The following NOL10 variants were observed in gnomAD, a reference collection of about 807,000 sequenced individuals.
NOL10 encodes the protein nucleolar protein 10, also known as H_NH0074G24.1.
NOL10 carries 58 observed loss-of-function variants against 103.5 expected under a neutral mutation model. The observed-to-expected ratio is 0.56, with a 90% CI of 0.45 to 0.70. The LOEUF is 0.70. NOL10 is among the 30% of genes least tolerant of loss of function. The probability of loss-of-function intolerance (pLI) is 0.00; values close to 1 mark genes in which losing one functional copy is unlikely to be tolerated. For missense variants in NOL10, 763 were observed against 807.3 expected, an observed-to-expected ratio of 0.95 and a Z score of 0.67; for synonymous variants, 287 against 282.5, an observed-to-expected ratio of 1.02 and a Z score of -0.16.
At chr2:10,677,466 G>GT (rs199868603) in intron 3 of NOL10, among the ~76,000 whole-genome samples, 238 of 138,744 alleles carry the variant, frequency 1.7e-3, no homozygotes, top group Admixed American at 2.4e-3. Context: ...TTTCTTTGGT[G>GT]TTTTTTTTTT....
At chr2:10,656,848 C>T (rs1679870466) in intron 11 of NOL10, among the ~76,000 whole-genome samples, 1 of 152,200 alleles carries the variant, frequency 6.6e-6, no homozygotes, top group Non-Finnish European at 1.5e-5. Flanking sequence ...CATAGCTATA[C>T]TGAATGCATT....
intron 13 of NOL10, among the ~76,000 whole-genome samples, chr2:10,639,538 G>A (rs940149240): frequency 6.6e-6 from 1 of 152,152 alleles, no homozygotes; most frequent in Non-Finnish European, 1.5e-5. Flanking sequence ...ACCAAGCAAT[G>A]AGTGGCTGCA....
chr2:10,631,303 G>A (rs548448504), intron 13 of NOL10, among the ~76,000 whole-genome samples: 4 of 152,304 alleles, frequency 2.6e-5, no homozygotes, highest in East Asian at 1.9e-4. Context: ...AGGGAATGAC[G>A]TGTACAGCAC....
intron 12 of NOL10, among the ~76,000 whole-genome samples, chr2:10,647,525 GAAACA>G (rs750708533): frequency 2.6e-5 from 4 of 152,142 alleles, no homozygotes; most frequent in Non-Finnish European, 5.9e-5. Flanking sequence ...TAGAAAATTC[GAAACA>G]AAACAAAAAA....
chr2:10,649,461 C>G (rs1679317824), intron 12 of NOL10, among the ~76,000 whole-genome samples: 1 of 151,706 alleles, frequency 6.6e-6, no homozygotes, highest in African/African-American at 2.4e-5. Context: ...GCTGGGATTA[C>G]AGGCACCTGC....
intron 13 of NOL10, among the ~76,000 whole-genome samples, chr2:10,639,766 T>C (rs1443955793): frequency 1.3e-5 from 2 of 152,112 alleles, no homozygotes; most frequent in African/African-American, 4.8e-5. Context: ...CATTAGTCTC[T>C]GAAGCTGCAG....
intron 20 of NOL10, among the ~76,000 whole-genome samples, chr2:10,572,848 C>G (rs1674250676): frequency 6.6e-6 from 1 of 152,152 alleles, no homozygotes; most frequent in African/African-American, 2.4e-5. Flanking sequence ...GGGCTGACTG[C>G]TGGAAAGGTG....
chr2:10,621,787 T>C (rs1266677556), intron 13 of NOL10, among the ~76,000 whole-genome samples: 3 of 152,176 alleles, frequency 2.0e-5, no homozygotes, highest in Non-Finnish European at 4.4e-5. Context: ...CAACAAAATA[T>C]ATTTCTTTGA....
chr2:10,572,143 T>A lies in NOL10; in HGVS notation c.1995A>T (p.Gln665His), dbSNP rs752537035. 1.2e-5 allele frequency: 19 copies of A among 1,614,038 alleles called. No homozygotes were observed. The highest frequency in any genetic ancestry group is 1.6e-5 in the Non-Finnish European group (19 of 1,179,896). Reference sequence around the variant, plus strand: ...CCGAACGACGGAGTCTTTTCCTTTCTTGTCGATGCAGTTTCTCAGCCTCCT... The same window carrying A: ...CCGAACGACGGAGTCTTTTCCTTTCATGTCGATGCAGTTTCTCAGCCTCCT... The part of the protein sequence containing the change: ...KQQEAEKLHR[Q>H]ERKRLRRSAG... Residue 665 changes from glutamine (Q) to histidine (H), a missense_variant, in exon 21 of 21, where the codon CAA (glutamine) becomes CAT (histidine). Gln to His is a conservative substitution (Grantham distance 24). Coordinates refer to ENST00000381685, the MANE Select transcript of NOL10 (RefSeq NM_024894.4).
chr2:10,634,537 C>CTTACA (rs1558307099), intron 13 of NOL10: 1 of 456,696 alleles, frequency 2.2e-6, no homozygotes, highest in Non-Finnish European at 4.4e-6. Flanking sequence ...TGGATATGTA[C>CTTACA]CTCTGTAGCT....
chr2:10,585,240 T>C (rs1674963670), intron 19 of NOL10, among the ~76,000 whole-genome samples: 1 of 152,138 alleles, frequency 6.6e-6, no homozygotes, highest in Non-Finnish European at 1.5e-5. Flanking sequence ...ACTCAACAAA[T>C]AAACTTACTC....
chr2:10,646,317 T>C (rs1165738420), intron 12 of NOL10, among the ~76,000 whole-genome samples: 1 of 152,180 alleles, frequency 6.6e-6, no homozygotes, highest in African/African-American at 2.4e-5. Flanking sequence ...GGCTCAACCC[T>C]GAACACTCAA....
chr2:10,680,586 A>C (rs890890606), intron 3 of NOL10, among the ~76,000 whole-genome samples: 1 of 152,206 alleles, frequency 6.6e-6, no homozygotes, highest in Non-Finnish European at 1.5e-5. Flanking sequence ...AGTCTTCAGT[A>C]AGGGTGTCCA....
In NOL10 at chr2:10,600,922, T is replaced by C; in HGVS notation, c.1353A>G (p.Lys451=). The C allele has an allele frequency of 6.4e-7, 1 of 1,552,570 alleles. No homozygotes were observed. ...CCTCAATTAATTTAAGTGCCAGCTC[T>C]TTGTTAACTTTTGGCAATTTCTAGA... The part of the protein sequence containing the change: ...VQLKKLPKVN[K]ELALKLIEEE... The change falls in exon 17 of 21, where the codon AAA becomes AAG. Residue 451 remains lysine, a synonymous_variant. Transcript: ENST00000381685.
chr2:10,689,414 A>T (rs1479548150), intron 1 of NOL10, among the ~76,000 whole-genome samples: 1 of 152,174 alleles, frequency 6.6e-6, no homozygotes, highest in South Asian at 2.1e-4. Context: ...GGGACTCCAC[A>T]AACAGCTGAT....
At chr2:10,668,771 C>A (rs1487090009) in intron 6 of NOL10, 48 bp from the exon 7 acceptor site, 3 of 782,370 alleles carry the variant, frequency 3.8e-6, no homozygotes, top group Non-Finnish European at 3.9e-6. Context: ...TACAATGAAA[C>A]TTTAAGTAAA....
intron 13 of NOL10, among the ~76,000 whole-genome samples, chr2:10,621,498 G>C (rs1677145826): frequency 6.6e-6 from 1 of 152,172 alleles, no homozygotes. Flanking sequence ...GGAGACTGAG[G>C]TTGGGGAATC....
chr2:10,636,875 A>T (rs1319761389), intron 13 of NOL10, among the ~76,000 whole-genome samples: 5 of 152,192 alleles, frequency 3.3e-5, no homozygotes, highest in Non-Finnish European at 7.3e-5. Flanking sequence ...GACAGAAGTT[A>T]AAATTGTTTG....
intron 20 of NOL10, among the ~76,000 whole-genome samples, chr2:10,572,580 C>G (rs538376371): frequency 1.3e-5 from 2 of 152,296 alleles, no homozygotes; most frequent in South Asian, 4.1e-4. Flanking sequence ...CTTAGAGTGT[C>G]CACTTCCTTT....
Sources: allele counts gnomAD v4.1 joint callset (sites outside exome capture counted in the v4.1 genomes callset), GRCh38; gene constraint gnomAD v4.1.1; transcripts MANE v1.5; gene names NCBI Gene and HGNC (gene_info 2026-07-23, HGNC 2026-07-21).